Variants in CACNA2D3 observed in about 807,000 individuals in gnomAD.
CACNA2D3 encodes voltage-dependent calcium channel subunit alpha-2/delta-3.
Under a neutral mutation model 160.6 loss-of-function variants are expected in CACNA2D3, and 60 were observed. The ratio of observed to expected loss-of-function variants is 0.37; its 90% CI spans 0.30 to 0.46. The LOEUF (loss-of-function observed/expected upper bound fraction) is 0.46. Among genes scored for constraint, CACNA2D3 ranks in the 20% least tolerant of loss-of-function variants. The probability of loss-of-function intolerance (pLI) is 1.00; values close to 1 mark genes in which losing one functional copy is unlikely to be tolerated. For missense variants in CACNA2D3, 1,205 were observed against 1,365.0 expected, an observed-to-expected ratio of 0.88 and a Z score of 1.85; for synonymous variants, 558 against 492.9, an observed-to-expected ratio of 1.13 and a Z score of -1.75.
At position 54,648,655 on chromosome 3, in the gene CACNA2D3, C is replaced by T. The variant is rs536888001; in HGVS notation, c.1167+6414C>T. On this transcript the variant is annotated intron_variant, in intron 11 of 37. Coordinates refer to ENST00000474759, the MANE Select transcript of CACNA2D3 (RefSeq NM_018398.3). ...CTGCGTTAGCATAAAGGAACACCTG[C>T]GGTTGGGTAATTTATAAAGAAAAGA... is the stretch of plus-strand genomic sequence containing the variant. Among the ~76,000 whole-genome samples the T allele has an allele frequency of 8.5e-5, 13 of 152,228 alleles. No homozygotes were observed. In the South Asian group the frequency reaches 1.7e-3, roughly 19 times the overall value.
At chr3:54,511,038 C>T (rs962887482) in intron 5 of CACNA2D3, among the ~76,000 whole-genome samples, 1 of 152,208 alleles carries the variant, frequency 6.6e-6, no homozygotes, top group African/African-American at 2.4e-5. Context: ...CCCCATTCCC[C>T]CTCTTCCTGG....
chr3:54,606,319 G>A (rs1698624182), intron 9 of CACNA2D3, among the ~76,000 whole-genome samples: 1 of 152,078 alleles, frequency 6.6e-6, no homozygotes, highest in African/African-American at 2.4e-5. Flanking sequence ...GTCTCTTTCA[G>A]CACAAGGAAT....
chr3:54,523,590 G>A (rs185632932), intron 5 of CACNA2D3, among the ~76,000 whole-genome samples: 8 of 152,202 alleles, frequency 5.3e-5, no homozygotes, highest in South Asian at 4.2e-4. Flanking sequence ...GGAAGAGTTC[G>A]TGAAGAATTG....
At chr3:54,189,610 G>A (rs915981549) in intron 2 of CACNA2D3, among the ~76,000 whole-genome samples, 2 of 152,248 alleles carry the variant, frequency 1.3e-5, no homozygotes, top group African/African-American at 2.4e-5. Context: ...TTCTCGGGAC[G>A]TAGGATTGGC....
intron 11 of CACNA2D3, among the ~76,000 whole-genome samples, chr3:54,667,599 A>G (rs538632814): frequency 1.2e-3 from 190 of 152,348 alleles, no homozygotes; most frequent in African/African-American, 4.3e-3. Context: ...AAGAAAAGAC[A>G]CAGTCTAGTT....
At chr3:54,542,926 CAA>C (rs1702004331) in intron 5 of CACNA2D3, among the ~76,000 whole-genome samples, 1 of 152,120 alleles carries the variant, frequency 6.6e-6, no homozygotes, top group South Asian at 2.1e-4. Context: ...AGGAAAAAGA[CAA>C]GAGAGAATGA....
rs147441092 is a variant in CACNA2D3 at position 54,942,094 on chromosome 3, G to A, written c.2450-26356G>A. On this transcript the variant is annotated intron_variant, in intron 27 of 37. Transcript: ENST00000474759. Reference sequence around the variant, plus strand: ...ACTTCAAATAGGGTTTACCAAGGAAGTGTTGGCTAGAGCCTGGCAATCCTT... The same window carrying A: ...ACTTCAAATAGGGTTTACCAAGGAAATGTTGGCTAGAGCCTGGCAATCCTT... Among the ~76,000 whole-genome samples, 486 of 152,358 alleles carry A rather than the reference G, an allele frequency of 3.2e-3. 4 individuals carry two copies. The highest frequency in any genetic ancestry group is 0.011 in the African/African-American group (459 of 41,588).
At chr3:54,143,146 A>C (rs1699968095) in intron 2 of CACNA2D3, among the ~76,000 whole-genome samples, 2 of 152,326 alleles carry the variant, frequency 1.3e-5, no homozygotes, top group South Asian at 4.1e-4. Context: ...GTTCTGGCCA[A>C]ATTCTTTTGT....
At position 54,918,612 on chromosome 3, in the gene CACNA2D3, C is replaced by T. The variant is rs146117666; in HGVS notation, c.2449+18744C>T. 5 of 1,614,166 alleles carry T rather than the reference C, an allele frequency of 3.1e-6. No homozygotes were observed. In the African/African-American group the frequency reaches 5.3e-5, roughly 17 times the overall value. ...ACATCATGAGACACACAATCCCACA[C>T]ACAACGCCAGTGATGATGACAGTGG... On this transcript the variant is annotated intron_variant, in intron 27 of 37. Transcript: ENST00000474759.
At chr3:54,835,963 A>G (rs551139391) in intron 14 of CACNA2D3, among the ~76,000 whole-genome samples, 122 of 152,284 alleles carry the variant, frequency 8.0e-4, no homozygotes, top group Non-Finnish European at 1.3e-3. Context: ...ATTATTTCAT[A>G]TGAGCATGTG....
At chr3:54,186,844 T>C (rs11717277) in intron 2 of CACNA2D3, among the ~76,000 whole-genome samples, 2,577 of 152,144 alleles carry the variant, frequency 0.017, 74 homozygotes, top group African/African-American at 0.058. Context: ...GGCCTCTCCA[T>C]CTCTGAAGCC....
chr3:54,948,930 A>G (rs1278547167), intron 27 of CACNA2D3, among the ~76,000 whole-genome samples: 1 of 152,206 alleles, frequency 6.6e-6, no homozygotes, highest in South Asian at 2.1e-4. Flanking sequence ...TTGGAAATAC[A>G]TTGTTTCATG....
chr3:54,431,233 A>T (rs1046520820), intron 4 of CACNA2D3, among the ~76,000 whole-genome samples: 1 of 151,656 alleles, frequency 6.6e-6, no homozygotes, highest in African/African-American at 2.4e-5. Context: ...GCTACTCAGG[A>T]GGCTGAGGCA....
intron 2 of CACNA2D3, among the ~76,000 whole-genome samples, chr3:54,198,449 G>A (rs1428272448): frequency 6.6e-6 from 1 of 152,326 alleles, no homozygotes; most frequent in East Asian, 1.9e-4. Context: ...GGGTCTCTTG[G>A]CCAGGCTACC....
intron 35 of CACNA2D3, among the ~76,000 whole-genome samples, chr3:55,058,105 G>T (rs6783447): frequency 0.03 from 4,612 of 152,160 alleles, 243 homozygotes; most frequent in African/African-American, 0.1. Flanking sequence ...CTCTACCACG[G>T]TACTCACACT....
At chr3:54,576,144 C>T (rs1475014086) in intron 8 of CACNA2D3, among the ~76,000 whole-genome samples, 1 of 152,182 alleles carries the variant, frequency 6.6e-6, no homozygotes, top group Non-Finnish European at 1.5e-5. Flanking sequence ...GGTCTTTCCT[C>T]ATCCTCTTCT....
chr3:54,636,894 C>G (rs1018212432), intron 10 of CACNA2D3, among the ~76,000 whole-genome samples: 2 of 151,918 alleles, frequency 1.3e-5, no homozygotes, highest in African/African-American at 2.4e-5. Flanking sequence ...TGAGCCTAAT[C>G]AGTGTCAGGG....
chr3:54,555,063 A>G (rs752763918), intron 5 of CACNA2D3, among the ~76,000 whole-genome samples: 3 of 151,954 alleles, frequency 2.0e-5, no homozygotes, highest in Non-Finnish European at 2.9e-5. Flanking sequence ...TTCTGTAGAG[A>G]TGGAGTTTCG....
At chr3:54,671,328 G>T (rs1700156934) in intron 11 of CACNA2D3, among the ~76,000 whole-genome samples, 1 of 151,998 alleles carries the variant, frequency 6.6e-6, no homozygotes, top group African/African-American at 2.4e-5. Flanking sequence ...CTGAAGGGGA[G>T]CTTCAGAGAC....
Sources: allele counts gnomAD v4.1 joint callset (sites outside exome capture counted in the v4.1 genomes callset), GRCh38; gene constraint gnomAD v4.1.1; transcripts MANE v1.5; gene names NCBI Gene and HGNC (gene_info 2026-07-23, HGNC 2026-07-21).